Variants in MSANTD3 observed in about 807,000 individuals in gnomAD.
MSANTD3 encodes Myb/SANT DNA binding domain containing 3.
MSANTD3 carries 11 observed loss-of-function variants against 27.7 expected under a neutral mutation model. That is an observed-to-expected ratio of 0.40 (90% CI 0.25 to 0.66). MSANTD3 has a LOEUF of 0.66. Among genes scored for constraint, MSANTD3 ranks in the 30% least tolerant of loss-of-function variants. The pLI is 0.41. For missense variants in MSANTD3, 250 were observed against 336.5 expected, an observed-to-expected ratio of 0.74 and a Z score of 2.01; for synonymous variants, 131 against 127.2, an observed-to-expected ratio of 1.03 and a Z score of -0.20.
At chr9:100,429,708 T>G (rs1836324247) in intron 1 of MSANTD3, 1 of 107,632 alleles carries the variant, frequency 9.3e-6, no homozygotes, top group Non-Finnish European at 2.3e-5. Flanking sequence ...TTTGTTTTTG[T>G]TTTTTTTTTG....
Position 100,451,032 on chromosome 9 carries a change from G to A in MSANTD3, c.*66G>A, listed in dbSNP as rs1836874036. 27 of 1,478,852 alleles carry A rather than the reference G, an allele frequency of 1.8e-5. No homozygotes were observed. The South Asian group carries it at 3.7e-4, about 20-fold the overall frequency. The allele number at this position is 1,478,852 out of a possible 1,614,324, so 91.6% of individuals were successfully genotyped here. A position where few individuals can be genotyped will look rare whatever the true frequency, so the allele number is the denominator to read the frequency against. On this transcript the variant is annotated 3_prime_UTR_variant, in exon 3 of 3. Coordinates refer to ENST00000395067, the MANE Select transcript of MSANTD3 (RefSeq NM_080655.3). ...AAAGAATGTCTGGAACATGGACTTGGCGGTCAGTAACCTGTAACAGAGCTA... is the reference window on the plus strand; with the variant it reads ...AAAGAATGTCTGGAACATGGACTTGACGGTCAGTAACCTGTAACAGAGCTA...
In MSANTD3 at chr9:100,451,305, A is replaced by ATTTTTTTTTTTTTTTTTTT. The variant is rs35133590; in HGVS notation, c.*352_*353insTTTTTTTTTTTTTTTTTTT. ...GTGTGACTATAAAGGAGTGTGGCTG[A>ATTTTTTTTTTTTTTTTTTT]TTTTTTTTTTTTTCTTTTTTCTTTT... On this transcript the variant is annotated 3_prime_UTR_variant, in exon 3 of 3. Coordinates refer to ENST00000395067, the MANE Select transcript of MSANTD3 (RefSeq NM_080655.3). The ATTTTTTTTTTTTTTTTTTT allele has an allele frequency of 6.6e-6, 1 of 152,182 alleles. No individual in the cohort carries two copies. The highest frequency in any genetic ancestry group is 1.4e-5 in the Non-Finnish European group (1 of 73,060). 9.4% of individuals were successfully genotyped at this position (152,182 alleles called of 1,614,324 possible).
chr9:100,445,054 T>C, intron 2 of MSANTD3: 1 of 651,314 alleles, frequency 1.5e-6, no homozygotes, highest in Non-Finnish European at 2.8e-6. Context: ...CTTGGTGCTT[T>C]GTCATTTGGG....
At chr9:100,444,135 A>G (rs1200641045) in intron 2 of MSANTD3, 1 of 152,244 alleles carries the variant, frequency 6.6e-6, no homozygotes, top group Non-Finnish European at 1.5e-5. Flanking sequence ...TAGGCAGACG[A>G]TCCTGGAGAA....
At position 100,442,362 on chromosome 9, in the gene MSANTD3, C is replaced by CGT; in HGVS notation, c.418+7_418+8dup. 6.2e-7 allele frequency: 1 copy of CGT among 1,605,376 alleles called. No individual in the cohort carries two copies. Among genetic ancestry groups the CGT allele is most frequent in the Non-Finnish European group, 8.5e-7 (1 of 1,176,528 alleles). On this transcript the variant is annotated splice_region_variant and intron_variant, in intron 2 of 2. Coordinates refer to ENST00000395067, the MANE Select transcript of MSANTD3 (RefSeq NM_080655.3). ...CCCCGACGCCTCAGCCCAAGGTATCCGTTCCTGATGCCAGTGTGCACGCTC... is the reference window on the plus strand; with the variant it reads ...CCCCGACGCCTCAGCCCAAGGTATCCGTGTTCCTGATGCCAGTGTGCACGCTC...
chr9:100,450,777 A>G lies in MSANTD3; in HGVS notation c.639A>G (p.Ile213Met). ...QQMSILQLQL[I>M]QMNEVHVAKI... ...TGTCCATCTTACAACTGCAACTGAT[A>G]CAAATGAATGAGGTGCATGTGGCCA... The change falls in exon 3 of 3, where the codon ATA becomes ATG. Residue 213 changes from isoleucine to methionine, a missense_variant. Ile to Met is a conservative substitution (Grantham distance 10). Transcript: ENST00000395067. 1 of 1,614,156 alleles carries G rather than the reference A, an allele frequency of 6.2e-7. No homozygotes were observed. Among genetic ancestry groups the G allele is most frequent in the Non-Finnish European group, 8.5e-7 (1 of 1,179,998 alleles).
In MSANTD3 at chr9:100,441,904, A is replaced by G; in HGVS notation, c.-33-2A>G. On this transcript the variant is annotated splice_acceptor_variant, in intron 1 of 2. Transcript: ENST00000395067. LOFTEE classifies it low-confidence loss of function (5UTR_SPLICE). ...ATCATTGCTTCAAACTTCCTTTTAC[A>G]GGATAGCTAGCGGCCAGGAGAAATA... 6.4e-7 allele frequency: 1 copy of G among 1,553,712 alleles called. No individual in the cohort carries two copies. Among genetic ancestry groups the G allele is most frequent in the Non-Finnish European group, 8.7e-7 (1 of 1,150,922 alleles).
At chr9:100,437,853 CTG>C (rs1051366573) in intron 1 of MSANTD3, among the ~76,000 whole-genome samples, 17 of 152,264 alleles carry the variant, frequency 1.1e-4, no homozygotes, top group African/African-American at 1.9e-4. Context: ...GTATAACAAA[CTG>C]TGCTCTCAGA....
rs1587782047 is a variant in MSANTD3, at chr9:100,431,331, C to T, written c.-34+3938C>T. Among the ~76,000 whole-genome samples, 6 of 138,514 alleles carry T rather than the reference C, an allele frequency of 4.3e-5. No individual in the cohort carries two copies. The South Asian group carries it at 1.2e-3, about 27-fold the overall frequency. The allele number at this position is 138,514 out of a possible 152,430, so 90.9% of individuals were successfully genotyped here. On this transcript the variant is annotated intron_variant, in intron 1 of 2. Transcript: ENST00000395067. Reference sequence around the variant, plus strand: ...TTTTTTTTTTTTTTTAAAGAGACAGCGTTTTACTCTTTCACCTAGGTTGGA... The same window carrying T: ...TTTTTTTTTTTTTTTAAAGAGACAGTGTTTTACTCTTTCACCTAGGTTGGA...
chr9:100,445,315 T>C (rs1398387654), intron 2 of MSANTD3: 3 of 898,156 alleles, frequency 3.3e-6, no homozygotes, highest in African/African-American at 3.3e-5. Flanking sequence ...GTGTGATCTT[T>C]CTATTTCTAA....
chr9:100,446,429 T>C (rs1027669339), intron 2 of MSANTD3, among the ~76,000 whole-genome samples: 1 of 152,184 alleles, frequency 6.6e-6, no homozygotes, highest in Non-Finnish European at 1.5e-5. Flanking sequence ...TTGCATATCC[T>C]TTTACATGTG....
intron 2 of MSANTD3, chr9:100,444,917 T>G: frequency 2.8e-6 from 1 of 362,868 alleles, no homozygotes; most frequent in Non-Finnish European, 5.0e-6. Flanking sequence ...ATAAACGGAT[T>G]TATTTTAAAT....
At chr9:100,450,471 G>A in intron 2 of MSANTD3, 86 bp from the exon 3 acceptor site, 1 of 1,234,156 alleles carries the variant, frequency 8.1e-7, no homozygotes, top group Non-Finnish European at 1.1e-6. Context: ...TGTAATGAAG[G>A]ACCCTGTCAT....
At chr9:100,443,120 C>T (rs1200465430) in intron 2 of MSANTD3, among the ~76,000 whole-genome samples, 1 of 152,038 alleles carries the variant, frequency 6.6e-6, no homozygotes, top group Non-Finnish European at 1.5e-5. Flanking sequence ...AGTCAACCGG[C>T]TGGGTTCTGT....
At chr9:100,432,228 G>A (rs150290651) in intron 1 of MSANTD3, among the ~76,000 whole-genome samples, 258 of 152,210 alleles carry the variant, frequency 1.7e-3, no homozygotes, top group African/African-American at 6.0e-3. Flanking sequence ...AAGCAAGTTC[G>A]GTGCTAGGCT....
intron 1 of MSANTD3, among the ~76,000 whole-genome samples, chr9:100,428,186 G>T (rs1180980736): frequency 6.6e-6 from 1 of 152,178 alleles, no homozygotes; most frequent in African/African-American, 2.4e-5. Context: ...TCCGATTCAG[G>T]AGGTTGGGTA....
At chr9:100,443,343 G>GAGCCAAGAT (rs1017972167) in intron 2 of MSANTD3, among the ~76,000 whole-genome samples, 24 of 151,306 alleles carry the variant, frequency 1.6e-4, no homozygotes, top group African/African-American at 5.1e-4. Context: ...AGGTTGTGGT[G>GAGCCAAGAT]AGCCAAGATA....
intron 1 of MSANTD3, among the ~76,000 whole-genome samples, chr9:100,431,730 TA>T (rs1157773010): frequency 6.6e-6 from 1 of 152,178 alleles, no homozygotes; most frequent in Non-Finnish European, 1.5e-5. Context: ...AGGATATGGA[TA>T]GATCTCAGTG....
chr9:100,428,330 C>T (rs1836290080), intron 1 of MSANTD3, among the ~76,000 whole-genome samples: 1 of 152,088 alleles, frequency 6.6e-6, no homozygotes. Flanking sequence ...GAGAGTGTGC[C>T]TTTCAGCATG....
Sources: gnomAD v4.1 joint callset for allele counts (sites outside exome capture counted in the v4.1 genomes callset) on GRCh38, gnomAD v4.1.1 for gene constraint, MANE v1.5 for transcripts, NCBI Gene and HGNC (gene_info 2026-07-23, HGNC 2026-07-21) for gene names.